Variants in VPS53 observed in about 807,000 individuals in gnomAD.
The protein encoded by VPS53 is vacuolar protein sorting-associated protein 53 homolog.
A neutral mutation model predicts 107.0 loss-of-function variants in VPS53; 70 were observed. That is an observed-to-expected ratio of 0.65 (90% confidence interval 0.54 to 0.80). The LOEUF (loss-of-function observed/expected upper bound fraction) is 0.80. Ranked by LOEUF, VPS53 falls within the 30% of genes least tolerant of loss-of-function variation. VPS53 has a pLI of 0.00. For synonymous variants in VPS53, 409 were observed against 393.3 expected (o/e 1.04, Z -0.47); for missense variants, 917 against 1,049.4 (o/e 0.87, Z 1.74).
chr17:562,750 G>A lies in VPS53; in HGVS notation c.1314-5C>T, dbSNP rs1166618489. 1.4e-5 allele frequency: 22 copies of A among 1,576,718 alleles called. No individual in the cohort carries two copies. Among genetic ancestry groups the A allele is most frequent in the Non-Finnish European group, 1.8e-5 (21 of 1,164,156 alleles). On this transcript the variant is annotated splice_polypyrimidine_tract_variant and splice_region_variant and intron_variant, in intron 13 of 21. Transcript: ENST00000437048. ...TCTATCAGCTCTCCGAGGTTCCTAG[G>A]AGGAAAAAAAAAAACCAAAAATGTT...
At chr17:569,065 G>C (rs1249185114) in intron 13 of VPS53, among the ~76,000 whole-genome samples, 1 of 152,196 alleles carries the variant, frequency 6.6e-6, no homozygotes, top group Non-Finnish European at 1.5e-5. Context: ...AATGCCTGGG[G>C]AAATGGACGA....
chr17:551,233 G>C (rs1225617889), intron 17 of VPS53, among the ~76,000 whole-genome samples: 1 of 151,812 alleles, frequency 6.6e-6, no homozygotes, highest in Non-Finnish European at 1.5e-5. Context: ...CCAAAAATAG[G>C]AACATGAGAG....
chr17:698,779 T>C (rs531092681), intron 3 of VPS53, among the ~76,000 whole-genome samples: 49 of 152,276 alleles, frequency 3.2e-4, no homozygotes, highest in African/African-American at 1.2e-3. Flanking sequence ...CAAAAGATGT[T>C]TTGAGTAGAC....
At position 519,085 on chromosome 17, in the gene VPS53, C is replaced by A. The variant is rs751623664; in HGVS notation, c.*43G>T. The A allele has an allele frequency of 6.8e-7, 1 of 1,462,420 alleles. No homozygotes were observed. Among genetic ancestry groups the A allele is most frequent in the South Asian group, 1.4e-5 (1 of 70,256 alleles). The allele number at this position is 1,462,420 out of a possible 1,614,324, so 90.6% of individuals were successfully genotyped here. ...AGGTTGGGGGCTTCTGGGGAACGGGCGCTGAGGGTCTCCAGCCAGGAGCAA... is the reference window on the plus strand; with the variant it reads ...AGGTTGGGGGCTTCTGGGGAACGGGAGCTGAGGGTCTCCAGCCAGGAGCAA... On this transcript the variant is annotated 3_prime_UTR_variant, in exon 22 of 22. Coordinates refer to ENST00000437048, the MANE Select transcript of VPS53 (RefSeq NM_001128159.3). This position sits in a 1 kb window ranked among gnomAD's most constrained non-coding sequence, Gnocchi z 5.0.
chr17:636,123 A>T (rs1970189279), intron 7 of VPS53, among the ~76,000 whole-genome samples: 1 of 152,116 alleles, frequency 6.6e-6, no homozygotes, highest in Non-Finnish European at 1.5e-5. Flanking sequence ...ATCCCTTGTA[A>T]GTTGGATTCC....
Position 590,862 on chromosome 17 carries a change from G to A in VPS53, c.1219-4498C>T, listed in dbSNP as rs868168535. 1.4e-3 allele frequency among the ~76,000 whole-genome samples: 206 copies of A among 151,484 alleles called. 2 individuals carry two copies. The highest frequency in any genetic ancestry group is 2.8e-3 in the Admixed American group (43 of 15,190). ...CTCTTTTTTGGTTGTGTCTCTGCCC[G>A]GCTTTGGTATCAGGATGATGCTGGC... On this transcript the variant is annotated intron_variant, in intron 12 of 21. Coordinates refer to ENST00000437048, the MANE Select transcript of VPS53 (RefSeq NM_001128159.3).
chr17:617,728 G>T (rs1969215058), intron 11 of VPS53, among the ~76,000 whole-genome samples: 1 of 150,562 alleles, frequency 6.6e-6, no homozygotes. Flanking sequence ...TTATTTCCCA[G>T]GTAGCTGGGA....
chr17:519,697 G>A lies in VPS53; in HGVS notation c.2328+129C>T. 1 of 738,514 alleles carries A rather than the reference G, an allele frequency of 1.4e-6. No individual in the cohort carries two copies. The highest frequency in any genetic ancestry group is 1.8e-5 in the South Asian group (1 of 56,398). 45.7% of individuals were successfully genotyped at this position (738,514 alleles called of 1,614,324 possible). ...TCCTCCAGAGGCTTCTCTGAATCCG[G>A]TTTGCTCTGTGGAGCCAGGCACATG... On this transcript the variant is annotated intron_variant, in intron 21 of 21. Transcript: ENST00000437048. The surrounding 1 kb of genome is among the most constrained non-coding windows in gnomAD (Gnocchi z 5.0).
intron 7 of VPS53, among the ~76,000 whole-genome samples, chr17:645,741 C>T (rs1970660101): frequency 2.0e-5 from 3 of 152,240 alleles, no homozygotes; most frequent in Non-Finnish European, 2.9e-5. Context: ...ATGCACAACC[C>T]CTTCCTTTAT....
chr17:623,005 C>T (rs971222151), intron 11 of VPS53, among the ~76,000 whole-genome samples: 8 of 151,946 alleles, frequency 5.3e-5, no homozygotes, highest in Non-Finnish European at 8.8e-5. Context: ...AAGAGGTTTC[C>T]GGAGTGAAAA....
chr17:662,004 T>G (rs1189467387), intron 4 of VPS53, 109 bp from the exon 5 acceptor site: 1 of 995,076 alleles, frequency 1.0e-6, no homozygotes, highest in Non-Finnish European at 1.5e-6. Context: ...CTCTCCTGAT[T>G]CATTGTACTT....
At chr17:556,302 A>G (rs375730754) in intron 15 of VPS53, among the ~76,000 whole-genome samples, 5 of 152,138 alleles carry the variant, frequency 3.3e-5, no homozygotes, top group African/African-American at 1.2e-4. Flanking sequence ...TCTGAGCAAC[A>G]AGGAATTGGA....
At chr17:612,846 A>G (rs1968954918) in intron 11 of VPS53, among the ~76,000 whole-genome samples, 1 of 151,206 alleles carries the variant, frequency 6.6e-6, no homozygotes, top group South Asian at 2.1e-4. Flanking sequence ...AGATACTCAC[A>G]GCAGTATTCA....
chr17:609,309 G>A (rs1046613393), intron 11 of VPS53, among the ~76,000 whole-genome samples: 1 of 152,280 alleles, frequency 6.6e-6, no homozygotes, highest in East Asian at 1.9e-4. Context: ...GGTTCACCCA[G>A]GTCAGGGCAC....
intron 12 of VPS53, among the ~76,000 whole-genome samples, chr17:590,444 C>T (rs1220464935): frequency 2.0e-5 from 3 of 150,488 alleles, no homozygotes; most frequent in Non-Finnish European, 4.5e-5. Flanking sequence ...GAGGGCATCC[C>T]TGTCTTGTGC....
intron 12 of VPS53, among the ~76,000 whole-genome samples, chr17:600,338 G>A (rs532426398): frequency 1.3e-4 from 20 of 152,296 alleles, no homozygotes; most frequent in South Asian, 8.3e-4. Context: ...GCTCTCCTGC[G>A]CAAAGCATGC....
At chr17:544,447 G>T (rs559088281) in intron 17 of VPS53, among the ~76,000 whole-genome samples, 1 of 152,180 alleles carries the variant, frequency 6.6e-6, no homozygotes, top group East Asian at 1.9e-4. Context: ...AGCTGATTTT[G>T]CCTCAGTTGC....
chr17:598,771 C>T (rs1260000108), intron 12 of VPS53, among the ~76,000 whole-genome samples: 1 of 131,904 alleles, frequency 7.6e-6, no homozygotes, highest in Non-Finnish European at 1.7e-5. Context: ...CCGGCAGCCG[C>T]CCCGTCTGAG....
At chr17:553,295 A>G in intron 16 of VPS53, 85 bp downstream of exon 16, 1 of 1,316,822 alleles carries the variant, frequency 7.6e-7, no homozygotes, top group Non-Finnish European at 1.1e-6. Flanking sequence ...GCAGCGAGCA[A>G]GCGTGTGCAG....
Sources: allele counts gnomAD v4.1 joint callset (sites outside exome capture counted in the v4.1 genomes callset), GRCh38; gene constraint gnomAD v4.1.1; non-coding constraint Gnocchi (gnomAD v3.1); transcripts MANE v1.5; gene names NCBI Gene and HGNC (gene_info 2026-07-23, HGNC 2026-07-21).